The following ASTN2 variants were observed in gnomAD, a reference collection of about 807,000 sequenced individuals.
ASTN2 encodes the protein astrotactin-2.
ASTN2 carries 54 observed loss-of-function variants against 139.8 expected under a neutral mutation model. The ratio of observed to expected loss-of-function variants is 0.39; its 90% CI spans 0.31 to 0.48. ASTN2 has a LOEUF of 0.48. ASTN2 is among the 20% of genes least tolerant of loss of function. The probability of loss-of-function intolerance (pLI) is 0.95; values close to 1 mark genes in which losing one functional copy is unlikely to be tolerated. For missense variants in ASTN2, 1,565 were observed against 1,725.1 expected (o/e 0.91, Z 1.64); for synonymous variants, 756 against 719.5 (o/e 1.05, Z -0.81).
At chr9:116,773,991 G>C (rs1056768404) in intron 13 of ASTN2, among the ~76,000 whole-genome samples, 22 of 152,214 alleles carry the variant, frequency 1.4e-4, no homozygotes, top group Admixed American at 8.5e-4. Context: ...CCATCAGGAA[G>C]TTGTAGAATC....
intron 10 of ASTN2, among the ~76,000 whole-genome samples, chr9:116,901,764 G>C (rs907478846): frequency 6.6e-6 from 1 of 152,130 alleles, no homozygotes; most frequent in Admixed American, 6.5e-5. Flanking sequence ...GGCCAGGCAC[G>C]GTGGCTCACG....
chr9:117,303,385 G>T (rs978427422), intron 1 of ASTN2, among the ~76,000 whole-genome samples: 1 of 152,180 alleles, frequency 6.6e-6, no homozygotes, highest in South Asian at 2.1e-4. Context: ...GACTCGGAGA[G>T]ATTAAGAACG....
rs144152922 is a variant in ASTN2 at position 116,661,857 on chromosome 9, C to G, written c.2807-10064G>C. Reference sequence around the variant, plus strand: ...GAAGGGGAACATCACACACCGGGGCCTGTTGTGGGGTGCGGGGAGGGGAGA... The same window carrying G: ...GAAGGGGAACATCACACACCGGGGCGTGTTGTGGGGTGCGGGGAGGGGAGA... On this transcript the variant is annotated intron_variant, in intron 16 of 22. Coordinates refer to ENST00000313400, the MANE Select transcript of ASTN2 (RefSeq NM_001365068.1). Among the ~76,000 whole-genome samples the G allele has an allele frequency of 7.8e-3, 1,191 of 151,860 alleles. 12 individuals carry two copies. The highest frequency in any genetic ancestry group is 0.023 in the African/African-American group (964 of 41,356).
At chr9:117,113,773 T>C (rs1350470227) in intron 4 of ASTN2, among the ~76,000 whole-genome samples, 6 of 152,238 alleles carry the variant, frequency 3.9e-5, no homozygotes, top group African/African-American at 9.6e-5. Flanking sequence ...AACTACATAC[T>C]GTGTGAGTCC....
At position 116,894,723 on chromosome 9, in the gene ASTN2, C is replaced by T. The variant is rs139630770; in HGVS notation, c.1890-30990G>A. On this transcript the variant is annotated intron_variant, in intron 10 of 22. Transcript: ENST00000313400. Reference sequence around the variant, plus strand: ...CCTCCTAAAGTGCTATGATTACAGACGAGAGCCACCGATGCCCAGCCTATT... The same window carrying T: ...CCTCCTAAAGTGCTATGATTACAGATGAGAGCCACCGATGCCCAGCCTATT... 9.3e-3 allele frequency among the ~76,000 whole-genome samples: 1,422 copies of T among 152,180 alleles called. 42 individuals are homozygous for T. The highest frequency in any genetic ancestry group is 6.2e-3 in the Non-Finnish European group (425 of 68,018).
chr9:116,608,702 G>C (rs551132829), intron 19 of ASTN2, among the ~76,000 whole-genome samples: 1 of 152,098 alleles, frequency 6.6e-6, no homozygotes, highest in East Asian at 1.9e-4. Flanking sequence ...AACAAGGCAA[G>C]AATCGCAATG....
chr9:117,244,358 A>C (rs1006724449), intron 2 of ASTN2, among the ~76,000 whole-genome samples: 11 of 152,154 alleles, frequency 7.2e-5, no homozygotes, highest in African/African-American at 2.4e-4. Context: ...TACTAGGAGA[A>C]AAGCTCCTTA....
intron 19 of ASTN2, among the ~76,000 whole-genome samples, chr9:116,608,810 A>C (rs1855353067): frequency 6.6e-6 from 1 of 152,210 alleles, no homozygotes; most frequent in South Asian, 2.1e-4. Context: ...ACTGACCCAG[A>C]ACTGATCCAG....
At chr9:116,753,902 C>T (rs1169656558) in intron 13 of ASTN2, among the ~76,000 whole-genome samples, 2 of 151,962 alleles carry the variant, frequency 1.3e-5, no homozygotes, top group African/African-American at 4.8e-5. Flanking sequence ...AACCTCAACA[C>T]GTCACCTACA....
intron 6 of ASTN2, among the ~76,000 whole-genome samples, chr9:117,019,674 T>C (rs1451519925): frequency 6.6e-6 from 1 of 152,100 alleles, no homozygotes; most frequent in Non-Finnish European, 1.5e-5. Context: ...CTGGTATATG[T>C]CGCATGAAAG....
chr9:117,079,967 T>C (rs1232849870), intron 5 of ASTN2, among the ~76,000 whole-genome samples: 1 of 152,244 alleles, frequency 6.6e-6, no homozygotes, highest in Non-Finnish European at 1.5e-5. Flanking sequence ...GCTACAAGAA[T>C]GGCCATTACA....
chr9:116,749,374 A>G (rs1190833843), intron 13 of ASTN2, among the ~76,000 whole-genome samples: 2 of 152,136 alleles, frequency 1.3e-5, no homozygotes, highest in African/African-American at 2.4e-5. Flanking sequence ...AAGCCACATG[A>G]GAGAGCTATA....
intron 16 of ASTN2, among the ~76,000 whole-genome samples, chr9:116,657,506 C>T (rs1199072015): frequency 1.3e-5 from 2 of 152,132 alleles, no homozygotes; most frequent in African/African-American, 2.4e-5. Context: ...GAAATCTAAC[C>T]AATTTCACAA....
chr9:117,138,263 T>C (rs2132852002), intron 4 of ASTN2, among the ~76,000 whole-genome samples: 1 of 152,108 alleles, frequency 6.6e-6, no homozygotes, highest in African/African-American at 2.4e-5. Context: ...AGCAAAACTG[T>C]AGATTGGGTA....
intron 6 of ASTN2, among the ~76,000 whole-genome samples, chr9:117,019,182 G>C (rs1554769899): frequency 1.3e-5 from 2 of 148,934 alleles, no homozygotes; most frequent in Admixed American, 1.3e-4. Context: ...AAGAGAGGGA[G>C]AAAAAAAAAC....
chr9:116,837,642 C>G (rs1340387038), intron 11 of ASTN2, among the ~76,000 whole-genome samples: 7 of 152,082 alleles, frequency 4.6e-5, no homozygotes, highest in Non-Finnish European at 1.0e-4. Context: ...TTGTAATGAG[C>G]TGTTTTACCA....
chr9:116,814,227 C>G (rs2132260000), intron 12 of ASTN2, among the ~76,000 whole-genome samples: 1 of 152,190 alleles, frequency 6.6e-6, no homozygotes, highest in Middle Eastern at 3.4e-3. Context: ...ACCCTGGGAT[C>G]ATCAGGGCTA....
intron 16 of ASTN2, among the ~76,000 whole-genome samples, chr9:116,715,889 G>A (rs898173090): frequency 1.3e-5 from 2 of 152,292 alleles, no homozygotes; most frequent in East Asian, 3.9e-4. Flanking sequence ...TGAAAGGACT[G>A]TCTGTGAGCA....
intron 19 of ASTN2, among the ~76,000 whole-genome samples, chr9:116,603,998 A>G (rs1855052792): frequency 6.6e-6 from 1 of 152,116 alleles, no homozygotes; most frequent in Non-Finnish European, 1.5e-5. Context: ...ATTATCCCCA[A>G]TGGACTGAAT....
Sources: gnomAD v4.1 joint callset for allele counts (sites outside exome capture counted in the v4.1 genomes callset) on GRCh38, gnomAD v4.1.1 for gene constraint, MANE v1.5 for transcripts, NCBI Gene and HGNC (gene_info 2026-07-23, HGNC 2026-07-21) for gene names.